PHF20L1: variants seen among roughly 807,000 people sequenced by gnomAD.
PHF20L1 encodes the protein PHD finger protein 20-like protein 1.
A neutral mutation model predicts 125.5 loss-of-function variants in PHF20L1; 44 were observed. The observed-to-expected ratio is 0.35, with a 90% CI of 0.28 to 0.45. PHF20L1 has a LOEUF of 0.45. PHF20L1 is among the 20% of genes least tolerant of loss of function. PHF20L1 has a pLI of 1.00. For synonymous variants in PHF20L1, 380 were observed against 403.1 expected, an observed-to-expected ratio of 0.94 and a Z score of 0.69; for missense variants, 1,012 against 1,217.2, an observed-to-expected ratio of 0.83 and a Z score of 2.51.
chr8:132,825,463 G>GGGGATCGTGTC, intron 14 of PHF20L1, 92 bp downstream of exon 14: 3 of 1,032,924 alleles, frequency 2.9e-6, no homozygotes, highest in Non-Finnish European at 4.0e-6. Context: ...GTCATGACAC[G>GGGGATCGTGTC]ATCCCCGTGT....
intron 8 of PHF20L1, chr8:132,807,242 A>G (rs980753085): frequency 3.8e-5 from 6 of 156,834 alleles, no homozygotes; most frequent in Non-Finnish European, 5.6e-5. Context: ...CGTATTTTTC[A>G]TTATGTCATG....
chr8:132,793,034 G>T (rs1831948029), intron 2 of PHF20L1, among the ~76,000 whole-genome samples: 1 of 144,048 alleles, frequency 6.9e-6, no homozygotes, highest in Non-Finnish European at 1.5e-5. Context: ...TCAGCACCCA[G>T]TTTGAGTGAG....
intron 18 of PHF20L1, 99 bp downstream of exon 18, chr8:132,839,681 G>A: frequency 1.3e-6 from 1 of 754,370 alleles, no homozygotes; most frequent in East Asian, 2.6e-5. Flanking sequence ...ACAGTTTGGA[G>A]GAGAGAACAG....
intron 12 of PHF20L1, among the ~76,000 whole-genome samples, chr8:132,822,833 A>T (rs144854974): frequency 3.1e-4 from 47 of 152,062 alleles, no homozygotes; most frequent in African/African-American, 1.1e-3. Context: ...TTGAAGTAAG[A>T]TGAATGAAAT....
chr8:132,793,832 T>C, intron 2 of PHF20L1, among the ~76,000 whole-genome samples: 1 of 152,190 alleles, frequency 6.6e-6, no homozygotes, highest in Admixed American at 6.5e-5. Flanking sequence ...TTATGCCATA[T>C]AAAGACAGTG....
At chr8:132,836,492 A>G (rs765672389) in intron 15 of PHF20L1, 48 bp from the exon 16 acceptor site, 1 of 1,266,648 alleles carries the variant, frequency 7.9e-7, no homozygotes. Context: ...GAAAAATAAC[A>G]TGAAAATAGA....
chr8:132,824,664 TA>T (rs1376688544), intron 13 of PHF20L1: 4 of 168,282 alleles, frequency 2.4e-5, no homozygotes, highest in African/African-American at 9.6e-5. Flanking sequence ...CTCTAATATT[TA>T]TTTTTTTAAG....
chr8:132,801,167 T>C (rs1833000930), intron 6 of PHF20L1, among the ~76,000 whole-genome samples: 1 of 151,708 alleles, frequency 6.6e-6, no homozygotes, highest in Admixed American at 6.6e-5. Flanking sequence ...GTAACAGAAG[T>C]ACTTGCCTTT....
chr8:132,798,726 A>T lies in PHF20L1; in HGVS notation c.341-46A>T, dbSNP rs192004041. On this transcript the variant is annotated intron_variant, in intron 4 of 20. Coordinates refer to ENST00000395386, the MANE Select transcript of PHF20L1 (RefSeq NM_016018.5). Reference sequence around the variant, plus strand: ...TTGTTAGATTTCAAGTGTTGCTGTAAACTTGAATTATATTTTCTAATGATT... The same window carrying T: ...TTGTTAGATTTCAAGTGTTGCTGTATACTTGAATTATATTTTCTAATGATT... 378 of 1,242,314 alleles carry T rather than the reference A, an allele frequency of 3.0e-4. 1 individual carries two copies. The African/African-American group carries it at 5.1e-3, about 17-fold the overall frequency. 77.0% of individuals were successfully genotyped at this position (1,242,314 alleles called of 1,614,324 possible). A position where few individuals can be genotyped will look rare whatever the true frequency, so the allele number is the denominator to read the frequency against.
At chr8:132,825,921 ACTT>A (rs1836126613) in intron 14 of PHF20L1, among the ~76,000 whole-genome samples, 1 of 152,018 alleles carries the variant, frequency 6.6e-6, no homozygotes, top group Non-Finnish European at 1.5e-5. Flanking sequence ...CTGATTTTGG[ACTT>A]CCAGCCTTCA....
Position 132,804,720 on chromosome 8 carries a change from C to A in PHF20L1, c.827C>A (p.Ala276Asp). 1 of 1,605,062 alleles carries A rather than the reference C, an allele frequency of 6.2e-7. No individual in the cohort carries two copies. Among genetic ancestry groups the A allele is most frequent in the Non-Finnish European group, 8.5e-7 (1 of 1,175,746 alleles). Residue 276 changes from alanine to aspartate, a missense_variant, in exon 8 of 21, where the codon GCT becomes GAT. By Grantham distance (126) the Ala-to-Asp change is moderately radical. Transcript: ENST00000395386. The stretch of plus-strand genomic sequence containing the variant: ...GGCAACTCGTTTCAGGCAAAGAGAG[C>A]TCGACTTAACAAGATTACTGGTAAA... ...NQGNSFQAKRARLNKITGLLA... is the reference protein window; with the variant it reads ...NQGNSFQAKRDRLNKITGLLA...
chr8:132,823,519 G>T (rs1835823542), intron 12 of PHF20L1, among the ~76,000 whole-genome samples: 1 of 151,844 alleles, frequency 6.6e-6, no homozygotes, highest in Non-Finnish European at 1.5e-5. Flanking sequence ...TTTCTTTATG[G>T]TTAGACCCAT....
chr8:132,804,011 C>A lies in PHF20L1; in HGVS notation c.700C>A (p.Pro234Thr). ...TPDVEKKEDLPTSSETFGLHV... is the reference protein window; with the variant it reads ...TPDVEKKEDLTTSSETFGLHV... ...AGACGTAGAGAAGAAGGAAGATCTG[C>A]CTACATCTAGTGAAACATTTGGTAC... Residue 234 changes from proline (P) to threonine (T), a missense_variant, in exon 7 of 21, where the codon CCT (proline) becomes ACT (threonine). Pro to Thr is a conservative substitution (Grantham distance 38). Coordinates refer to ENST00000395386, the MANE Select transcript of PHF20L1 (RefSeq NM_016018.5). 6.2e-7 allele frequency: 1 copy of A among 1,607,518 alleles called. No homozygotes were observed. The highest frequency in any genetic ancestry group is 8.5e-7 in the Non-Finnish European group (1 of 1,174,492).
intron 6 of PHF20L1, among the ~76,000 whole-genome samples, chr8:132,802,822 C>T (rs76170983): frequency 8.3e-4 from 126 of 151,590 alleles, no homozygotes; most frequent in African/African-American, 2.9e-3. Flanking sequence ...TAATGTAAAC[C>T]GTGAATTAAA....
intron 15 of PHF20L1, 154 bp from the exon 16 acceptor site, chr8:132,836,386 C>G: frequency 1.9e-6 from 1 of 519,686 alleles, no homozygotes; most frequent in Non-Finnish European, 3.3e-6. Context: ...GTTTCCATGT[C>G]CAGAGACAAG....
intron 7 of PHF20L1, 118 bp downstream of exon 7, chr8:132,804,150 C>G (rs1198610472): frequency 1.4e-6 from 1 of 695,470 alleles, no homozygotes; most frequent in African/African-American, 1.8e-5. Flanking sequence ...GCTTTTGACC[C>G]TAGCATAATA....
chr8:132,797,487 A>G (rs1327274153), intron 4 of PHF20L1, among the ~76,000 whole-genome samples: 2 of 152,112 alleles, frequency 1.3e-5, no homozygotes, highest in East Asian at 1.9e-4. Flanking sequence ...GCAAAGGCAG[A>G]GAGGTATTAA....
At chr8:132,837,251 A>C (rs923309561) in intron 16 of PHF20L1, among the ~76,000 whole-genome samples, 3 of 152,136 alleles carry the variant, frequency 2.0e-5, no homozygotes, top group Non-Finnish European at 4.4e-5. Context: ...AGCATGAAGA[A>C]AGAGTAATCT....
At chr8:132,839,706 T>C in intron 18 of PHF20L1, 124 bp downstream of exon 18, 2 of 660,546 alleles carry the variant, frequency 3.0e-6, no homozygotes, top group Admixed American at 5.7e-5. Flanking sequence ...TTGAATAAAG[T>C]TTCATTTTTA....
Sources: allele counts gnomAD v4.1 joint callset (sites outside exome capture counted in the v4.1 genomes callset), GRCh38; gene constraint gnomAD v4.1.1; transcripts MANE v1.5; gene names NCBI Gene and HGNC (gene_info 2026-07-23, HGNC 2026-07-21).